DOCK7: variants seen among roughly 807,000 people sequenced by gnomAD.
DOCK7 encodes the protein dedicator of cytokinesis 7.
In DOCK7, 138 loss-of-function variants were observed where a neutral mutation model predicts 271.0. That is an observed-to-expected ratio of 0.51 (90% CI 0.44 to 0.59). The LOEUF (loss-of-function observed/expected upper bound fraction) is 0.59. Ranked by LOEUF, DOCK7 falls within the 20% of genes least tolerant of loss-of-function variation. The pLI, the probability that DOCK7 is intolerant of heterozygous loss-of-function variation, is 0.00. For synonymous variants in DOCK7, 823 were observed against 876.1 expected, an observed-to-expected ratio of 0.94 and a Z score of 1.07; for missense variants, 2,066 against 2,592.4, an observed-to-expected ratio of 0.80 and a Z score of 4.41.
At chr1:62,643,148 A>G (rs1656244330) in intron 7 of DOCK7, among the ~76,000 whole-genome samples, 1 of 152,170 alleles carries the variant, frequency 6.6e-6, no homozygotes, top group Admixed American at 6.5e-5. Context: ...CCAACTGCCA[A>G]ATATATAAAA....
intron 43 of DOCK7, chr1:62,485,826 G>C (rs542782135): frequency 4.0e-6 from 2 of 500,852 alleles, no homozygotes; most frequent in African/African-American, 2.1e-5. Flanking sequence ...CAAAGGAAAA[G>C]CAAAAAACAA....
Position 62,496,752 on chromosome 1 carries a change from C to G in DOCK7, c.4765-255G>C, listed in dbSNP as rs1168037. Among the ~76,000 whole-genome samples, 148,723 of 152,260 alleles carry G rather than the reference C, an allele frequency of 0.98. 72,735 individuals are homozygous for G. The highest frequency in any genetic ancestry group is 1 in the Middle Eastern group (294 of 294). On this transcript the variant is annotated intron_variant, in intron 37 of 49. Coordinates refer to ENST00000635253, the MANE Select transcript of DOCK7 (RefSeq NM_001367561.1). Reference sequence around the variant, plus strand: ...GGGTTGAATTAGAAATTCTGCTTATCTCTTTACATTTATTTATTATGGGCA... The same window carrying G: ...GGGTTGAATTAGAAATTCTGCTTATGTCTTTACATTTATTTATTATGGGCA...
chr1:62,660,077 T>A (rs1457482314), intron 2 of DOCK7, among the ~76,000 whole-genome samples: 1 of 152,126 alleles, frequency 6.6e-6, no homozygotes, highest in East Asian at 1.9e-4. Flanking sequence ...TAGATCTAAC[T>A]GACATTTATA....
chr1:62,553,530 G>A (rs979108102), intron 21 of DOCK7, among the ~76,000 whole-genome samples: 6 of 149,596 alleles, frequency 4.0e-5, no homozygotes, highest in Non-Finnish European at 5.9e-5. Context: ...CACCATGCCC[G>A]GGTAAATTTC....
At chr1:62,501,123 G>C (rs1481618633) in intron 37 of DOCK7, among the ~76,000 whole-genome samples, 1 of 152,132 alleles carries the variant, frequency 6.6e-6, no homozygotes, top group Non-Finnish European at 1.5e-5. Flanking sequence ...CGTGCAGGGA[G>C]GACTGCCTGA....
At chr1:62,513,368 G>A in intron 33 of DOCK7, 76 bp downstream of exon 33, 8 of 1,342,180 alleles carry the variant, frequency 6.0e-6, no homozygotes, top group Non-Finnish European at 7.8e-6. Flanking sequence ...TTTTTAAAAA[G>A]CATAGGATTG....
chr1:62,630,897 A>T (rs1654541688), intron 11 of DOCK7, among the ~76,000 whole-genome samples: 1 of 152,128 alleles, frequency 6.6e-6, no homozygotes, highest in Admixed American at 6.6e-5. Flanking sequence ...TATATAAGAA[A>T]AAAGAGGCCG....
At chr1:62,504,846 T>C in intron 36 of DOCK7, 64 bp from the exon 37 acceptor site, 1 of 1,561,876 alleles carries the variant, frequency 6.4e-7, no homozygotes. Flanking sequence ...GATATGTTAA[T>C]ATAACCTGAA....
At position 62,535,613 on chromosome 1, in the gene DOCK7, T is replaced by C. The variant is rs775819460; in HGVS notation, c.3491A>G (p.Asn1164Ser). ...ATSQSSGFST[N>S]VQDQKIANMF... ...ATTTGCAATCTTTTGGTCTTGTACA[T>C]TCGTAGAAAATCCAGAACTCTGTTG... The change falls in exon 29 of 50, where the codon AAT (asparagine) becomes AGT (serine). Residue 1164 changes from asparagine to serine, a missense_variant. Asn to Ser is a conservative substitution (Grantham distance 46, BLOSUM62 1). This residue lies in a region of DOCK7 where 1,414 missense variants were observed against 1,670.4 expected (regional missense o/e 0.85). Coordinates refer to ENST00000635253, the MANE Select transcript of DOCK7 (RefSeq NM_001367561.1). 6.2e-7 allele frequency: 1 copy of C among 1,613,736 alleles called. No individual in the cohort carries two copies. The highest frequency in any genetic ancestry group is 8.5e-7 in the Non-Finnish European group (1 of 1,179,810).
At chr1:62,629,792 A>C (rs562972160) in intron 11 of DOCK7, 2 of 152,230 alleles carry the variant, frequency 1.3e-5, no homozygotes, top group Admixed American at 1.3e-4. Context: ...ACCACATGCT[A>C]ATCAATATAA....
At chr1:62,602,157 T>C (rs1650217955) in intron 14 of DOCK7, 2 of 761,010 alleles carry the variant, frequency 2.6e-6, no homozygotes, top group Non-Finnish European at 2.1e-6. Context: ...AATAATAAAA[T>C]GTATTGCCAT....
intron 14 of DOCK7, among the ~76,000 whole-genome samples, chr1:62,599,286 A>G (rs1392094766): frequency 6.6e-6 from 1 of 152,008 alleles, no homozygotes; most frequent in Admixed American, 6.6e-5. Context: ...ATTCAAACAC[A>G]TCAAACATAC....
At chr1:62,654,828 G>C (rs1657798134) in intron 2 of DOCK7, among the ~76,000 whole-genome samples, 1 of 152,150 alleles carries the variant, frequency 6.6e-6, no homozygotes. Flanking sequence ...GAAAAAATTT[G>C]TATAAAGATG....
chr1:62,664,421 C>A (rs976973663), intron 1 of DOCK7, among the ~76,000 whole-genome samples: 2 of 152,124 alleles, frequency 1.3e-5, no homozygotes, highest in Non-Finnish European at 2.9e-5. Flanking sequence ...CTCCAGCCAC[C>A]ATGTAAGATG....
At chr1:62,656,899 G>C (rs536249607) in intron 2 of DOCK7, among the ~76,000 whole-genome samples, 88 of 152,314 alleles carry the variant, frequency 5.8e-4, no homozygotes, top group African/African-American at 2.0e-3. Context: ...CAAAGGCCAA[G>C]TGGGGAGCTA....
At chr1:62,666,234 TA>T (rs1214589195) in intron 1 of DOCK7, among the ~76,000 whole-genome samples, 2 of 152,150 alleles carry the variant, frequency 1.3e-5, no homozygotes, top group African/African-American at 2.4e-5. Flanking sequence ...GTACAGCTAA[TA>T]AATAAAAACT....
At chr1:62,474,785 T>C (rs1311184054) in intron 47 of DOCK7, among the ~76,000 whole-genome samples, 1 of 152,176 alleles carries the variant, frequency 6.6e-6, no homozygotes, top group Non-Finnish European at 1.5e-5. Context: ...CAAGGACTAA[T>C]GGGGATGGCT....
chr1:62,552,490 T>C (rs1370110431), intron 22 of DOCK7, among the ~76,000 whole-genome samples: 2 of 152,188 alleles, frequency 1.3e-5, no homozygotes, highest in African/African-American at 2.4e-5. Flanking sequence ...CTGACAACAA[T>C]AAGTTATATG....
intron 19 of DOCK7, among the ~76,000 whole-genome samples, chr1:62,561,033 G>C (rs573173457): frequency 6.6e-6 from 1 of 152,070 alleles, no homozygotes; most frequent in African/African-American, 2.4e-5. Context: ...GAGTCAAAGC[G>C]CAACAGAGAA....
Sources: gnomAD v4.1 joint callset for allele counts (sites outside exome capture counted in the v4.1 genomes callset) on GRCh38, gnomAD v4.1.1 for gene constraint, gnomAD v4.1.1 regional missense constraint, MANE v1.5 for transcripts, NCBI Gene and HGNC (gene_info 2026-07-23, HGNC 2026-07-21) for gene names.